MGAM2: variants seen among roughly 807,000 people sequenced by gnomAD.
MGAM2 encodes maltase-glucoamylase 2 (putative).
Under a neutral mutation model 96.1 loss-of-function variants are expected in MGAM2, and 98 were observed. The ratio of observed to expected loss-of-function variants is 1.02; its 90% CI spans 0.87 to 1.21. The LOEUF (loss-of-function observed/expected upper bound fraction) is 1.21, where lower values mean the gene tolerates loss of function less well. MGAM2 is among the 50% of genes most tolerant of loss of function. The probability of loss-of-function intolerance (pLI) is 0.00; values close to 1 mark genes in which losing one functional copy is unlikely to be tolerated. For synonymous variants in MGAM2, 749 were observed against 414.8 expected (o/e 1.81, Z -9.79); for missense variants, 2,055 against 1,182.4 (o/e 1.74, Z -10.82).
At chr7:142,181,799 C>A (rs1021877358) in intron 32 of MGAM2, among the ~76,000 whole-genome samples, 1 of 152,136 alleles carries the variant, frequency 6.6e-6, no homozygotes, top group Non-Finnish European at 1.5e-5. Flanking sequence ...GCAGTGTTGC[C>A]GTAGGGGTGC....
chr7:142,146,158 T>C (rs1391099207), intron 14 of MGAM2, among the ~76,000 whole-genome samples: 102 of 134,520 alleles, frequency 7.6e-4, no homozygotes, highest in African/African-American at 2.6e-3. Context: ...TTTTTTTTTT[T>C]TTCTTAATTT....
intron 14 of MGAM2, among the ~76,000 whole-genome samples, chr7:142,146,146 T>G (rs941160174): frequency 3.8e-5 from 3 of 78,540 alleles, no homozygotes; most frequent in Non-Finnish European, 9.6e-5. Context: ...TATCATGTTT[T>G]TTTTTTTTTT....
At chr7:142,132,819 A>G (rs1468929124) in intron 6 of MGAM2, among the ~76,000 whole-genome samples, 46 of 127,762 alleles carry the variant, frequency 3.6e-4, no homozygotes, top group African/African-American at 1.3e-3. Flanking sequence ...AATATAATAT[A>G]TAATTATAAG....
rs1251822468 is a variant in MGAM2 at position 142,221,279 on chromosome 7, C to T, written c.6768C>T (p.Ser2256=). ...GTAATATAACTAGTAATAGTATTTC[C>T]ATAACAACTACTTCTTTTGGTAATA... ...SAGNITSNSI[S]ITTTSFGNSV... The change falls in exon 48 of 48, where the codon TCC becomes TCT. Residue 2256 remains serine, a synonymous_variant. Coordinates refer to ENST00000477922, the MANE Select transcript of MGAM2 (RefSeq NM_001293626.2). 2 of 683,034 alleles carry T rather than the reference C, an allele frequency of 2.9e-6. No individual in the cohort carries two copies. 42.3% of individuals were successfully genotyped at this position (683,034 alleles called of 1,614,324 possible). A position where few individuals can be genotyped will look rare whatever the true frequency, so the allele number is the denominator to read the frequency against.
intron 15 of MGAM2, among the ~76,000 whole-genome samples, chr7:142,153,647 G>A (rs914369062): frequency 6.6e-6 from 1 of 152,110 alleles, no homozygotes; most frequent in Non-Finnish European, 1.5e-5. Flanking sequence ...GAAATTCATG[G>A]AACCAAAGGA....
chr7:142,140,306 C>T (rs1795182468), intron 10 of MGAM2, among the ~76,000 whole-genome samples: 1 of 152,142 alleles, frequency 6.6e-6, no homozygotes, highest in Non-Finnish European at 1.5e-5. Context: ...AAAATGTGTG[C>T]ATGAGAGTTT....
At chr7:142,114,519 A>G (rs1817320762) in intron 1 of MGAM2, among the ~76,000 whole-genome samples, 1 of 152,226 alleles carries the variant, frequency 6.6e-6, no homozygotes, top group African/African-American at 2.4e-5. Flanking sequence ...GAATGTTATT[A>G]TGCTACCTGC....
At chr7:142,171,132 G>A (rs561809749) in intron 27 of MGAM2, 140 bp from the exon 28 acceptor site, 1 of 688,028 alleles carries the variant, frequency 1.5e-6, no homozygotes, top group South Asian at 1.5e-5. Context: ...TTATGACCTG[G>A]GTCATGTCAC....
chr7:142,160,932 C>T (rs1262917390), intron 21 of MGAM2, among the ~76,000 whole-genome samples, 193 bp from the exon 22 acceptor site: 1 of 152,158 alleles, frequency 6.6e-6, no homozygotes, highest in African/African-American at 2.4e-5. Flanking sequence ...GTCCACCCTT[C>T]CCTTTATGTC....
At position 142,198,156 on chromosome 7, in the gene MGAM2, T is replaced by C. The variant is rs1563290167; in HGVS notation, c.4884T>C (p.Ser1628=). Residue 1628 remains serine, a synonymous_variant, in exon 43 of 48, where the codon TCT becomes TCC. Coordinates refer to ENST00000477922, the MANE Select transcript of MGAM2 (RefSeq NM_001293626.2). Reference sequence around the variant, plus strand: ...TGTTTCAGAGCACATTTGAGATCTCTGCTTATTTTCCGAGAGCCCGTTGGT... The same window carrying C: ...TGTTTCAGAGCACATTTGAGATCTCCGCTTATTTTCCGAGAGCCCGTTGGT... ...PVLETSTFEI[S]AYFPRARWYD... 1 of 703,032 alleles carries C rather than the reference T, an allele frequency of 1.4e-6. No individual in the cohort carries two copies. The highest frequency in any genetic ancestry group is 2.7e-5 in the East Asian group (1 of 37,288). The allele number at this position is 703,032 out of a possible 1,614,324, so 43.5% of individuals were successfully genotyped here. A position where few individuals can be genotyped will look rare whatever the true frequency, so the allele number is the denominator to read the frequency against.
chr7:142,173,848 T>G (rs190305221), intron 31 of MGAM2, among the ~76,000 whole-genome samples: 1 of 152,280 alleles, frequency 6.6e-6, no homozygotes, highest in East Asian at 1.9e-4. Flanking sequence ...AATAATGTAG[T>G]TCTTGTATGT....
chr7:142,171,121 G>T (rs1209456644), intron 27 of MGAM2, 151 bp from the exon 28 acceptor site: 1 of 681,328 alleles, frequency 1.5e-6, no homozygotes, highest in African/African-American at 1.8e-5. Context: ...CAGGGCCATT[G>T]TTATGACCTG....
At chr7:142,207,275 T>C (rs1052970801) in intron 45 of MGAM2, among the ~76,000 whole-genome samples, 4 of 152,154 alleles carry the variant, frequency 2.6e-5, no homozygotes, top group African/African-American at 9.7e-5. Context: ...TTAGATTTTA[T>C]ATACTATGTC....
At position 142,181,803 on chromosome 7, in the gene MGAM2, G is replaced by A. The variant is rs4260820; in HGVS notation, c.3817-1463G>A. Among the ~76,000 whole-genome samples the A allele has an allele frequency of 3.8e-3, 584 of 152,290 alleles. 10 individuals are homozygous for A. The South Asian group carries it at 0.054, about 14-fold the overall frequency. ...CCCCAGGCACTGCAGTGTTGCCGTA[G>A]GGGTGCAGCTGATATGGTGCCATGA... On this transcript the variant is annotated intron_variant, in intron 32 of 47. Transcript: ENST00000477922.
Position 142,196,712 on chromosome 7 carries a change from A to G in MGAM2, c.4528A>G (p.Ile1510Val), listed in dbSNP as rs1286548028. 1.3e-6 allele frequency: 1 copy of G among 788,114 alleles called. No homozygotes were observed. Among genetic ancestry groups the G allele is most frequent in the Non-Finnish European group, 2.4e-6 (1 of 425,044 alleles). The allele number at this position is 788,114 out of a possible 1,614,324, so 48.8% of individuals were successfully genotyped here. A position where few individuals can be genotyped will look rare whatever the true frequency, so the allele number is the denominator to read the frequency against. Residue 1510 changes from isoleucine to valine, a missense_variant, in exon 40 of 48, where the codon ATC (isoleucine) becomes GTC (valine). Physicochemically the swap from Ile to Val is conservative, Grantham distance 29. Coordinates refer to ENST00000477922, the MANE Select transcript of MGAM2 (RefSeq NM_001293626.2). ...TGCATCTTCTCAGACAGGAGCAGAT[A>G]TCTGTGGGTTCTTTGGAGATGCTGA... Reference protein sequence around the residue: ...LFGIPYTGADICGFFGDAEYE... With the variant: ...LFGIPYTGADVCGFFGDAEYE...
chr7:142,187,802 A>G lies in MGAM2; in HGVS notation c.4175A>G (p.Asn1392Ser). The G allele has an allele frequency of 2.8e-6, 2 of 702,832 alleles. No homozygotes were observed. The highest frequency in any genetic ancestry group is 5.2e-6 in the Non-Finnish European group (2 of 384,864). 43.5% of individuals were successfully genotyped at this position (702,832 alleles called of 1,614,324 possible). A position where few individuals can be genotyped will look rare whatever the true frequency, so the allele number is the denominator to read the frequency against. The change falls in exon 36 of 48, where the codon AAT becomes AGT. Residue 1392 changes from asparagine (N) to serine (S), a missense_variant. Physicochemically the swap from Asn to Ser is conservative, Grantham distance 46. Transcript: ENST00000477922. ...GATGGATCTGTCAGGGGCTGCAGCA[A>G]TGAAATGCTAAATAACCCACCCTAT... Reference protein sequence around the residue: ...FVDGSVRGCSNEMLNNPPYMP... With the variant: ...FVDGSVRGCSSEMLNNPPYMP...
intron 37 of MGAM2, among the ~76,000 whole-genome samples, chr7:142,194,387 A>G (rs1253769226): frequency 6.6e-6 from 1 of 152,138 alleles, no homozygotes; most frequent in Non-Finnish European, 1.5e-5. Context: ...TCATTAGGTC[A>G]TCCTAGATTC....
chr7:142,174,715 C>CTCTTTTTTTTTTTTTT (rs1194981898), intron 31 of MGAM2, among the ~76,000 whole-genome samples: 4 of 85,460 alleles, frequency 4.7e-5, no homozygotes, highest in African/African-American at 2.3e-4. Context: ...CTCTCTCTCT[C>CTCTTTTTTTTTTTTTT]TTTTTTTTTT....
At chr7:142,130,587 T>G (rs1044272404) in intron 3 of MGAM2, among the ~76,000 whole-genome samples, 1 of 152,194 alleles carries the variant, frequency 6.6e-6, no homozygotes, top group Non-Finnish European at 1.5e-5. Context: ...CCACGCCTAC[T>G]AGGCTGGGTA....
Sources: allele counts gnomAD v4.1 joint callset (sites outside exome capture counted in the v4.1 genomes callset), GRCh38; gene constraint gnomAD v4.1.1; transcripts MANE v1.5; gene names NCBI Gene and HGNC (gene_info 2026-07-23, HGNC 2026-07-21).